Variants in FAAH2 observed in about 807,000 individuals in gnomAD.
FAAH2 encodes the protein fatty acid amide hydrolase 2.
A neutral mutation model predicts 36.9 loss-of-function variants in FAAH2; 60 were observed. That is an observed-to-expected ratio of 1.63 (90% CI 1.32 to 2.02). The LOEUF is 2.02. Among genes scored for constraint, FAAH2 ranks in the 30% most tolerant of loss-of-function variants. The pLI is 0.00. For missense variants in FAAH2, 689 were observed against 397.5 expected (o/e 1.73, Z -6.23); for synonymous variants, 214 against 143.8 (o/e 1.49, Z -3.49).
At chrX:57,365,382 C>T (rs1897320) in intron 5 of FAAH2, among the ~76,000 whole-genome samples, 6,403 of 111,585 alleles carry the variant, frequency 0.057, 174 homozygotes, top group South Asian at 0.096. Context: ...TGATTATAGG[C>T]CTCCACTCTC....
intron 7 of FAAH2, among the ~76,000 whole-genome samples, chrX:57,388,136 G>A (rs774430393): frequency 9.0e-6 from 1 of 111,151 alleles, no homozygotes; most frequent in African/African-American, 3.3e-5. Flanking sequence ...AAAATATTAA[G>A]GATTTAGTAT....
chrX:57,412,412 C>T (rs1456122979), intron 7 of FAAH2, among the ~76,000 whole-genome samples: 2 of 110,814 alleles, frequency 1.8e-5, no homozygotes, highest in Admixed American at 9.6e-5. Flanking sequence ...GTGATGTTCC[C>T]CTCCCTGTGT....
rs773400915 is a variant in FAAH2 at position 57,379,545 on chromosome X, T to TCACA, written c.878+779_878+782dup. Among the ~76,000 whole-genome samples the TCACA allele has an allele frequency of 2.0e-4, 14 of 70,443 alleles. No individual in the cohort carries two copies. In the South Asian group the frequency reaches 2.5e-3, roughly 13 times the overall value. 61.2% of individuals were successfully genotyped at this position (70,443 alleles called of 115,157 possible). On this transcript the variant is annotated intron_variant, in intron 6 of 10. Coordinates refer to ENST00000374900, the MANE Select transcript of FAAH2 (RefSeq NM_174912.4). The stretch of plus-strand genomic sequence containing the variant: ...CTGTCTCTCTCGCTCTCTCTCTCTC[T>TCACA]CACACACACACACACACACACACGT...
At chrX:57,276,284 C>T in the FAAH2 span, among the ~76,000 whole-genome samples, 1 of 112,077 alleles carries the variant, frequency 8.9e-6, no homozygotes, top group Non-Finnish European at 1.9e-5. Context: ...CAAAACCACA[C>T]AACTACATGG....
the FAAH2 span, among the ~76,000 whole-genome samples, chrX:57,231,064 TGTGA>T: frequency 1.8e-5 from 2 of 109,131 alleles, no homozygotes; most frequent in African/African-American, 6.7e-5. Flanking sequence ...TGTGTGTGTG[TGTGA>T]GTGTGTGTGT....
intron 8 of FAAH2, among the ~76,000 whole-genome samples, chrX:57,444,880 C>A (rs12393264): frequency 0.33 from 36,967 of 110,555 alleles, 5,053 homozygotes; most frequent in Middle Eastern, 0.6. Context: ...ATTTGGAATT[C>A]CTTCTCTGCA....
intron 2 of FAAH2, among the ~76,000 whole-genome samples, chrX:57,303,455 G>A (rs1410424492): frequency 8.9e-6 from 1 of 112,005 alleles, no homozygotes; most frequent in Non-Finnish European, 1.9e-5. Flanking sequence ...TGACTGTCAG[G>A]AGAACCTGAT....
intron 7 of FAAH2, among the ~76,000 whole-genome samples, chrX:57,411,295 G>A (rs1181092566): frequency 9.0e-6 from 1 of 111,704 alleles, no homozygotes; most frequent in African/African-American, 3.3e-5. Context: ...AAGTTTATAT[G>A]CCCTCTCTCA....
intron 3 of FAAH2, among the ~76,000 whole-genome samples, chrX:57,319,601 T>C (rs2052953714): frequency 8.9e-6 from 1 of 112,224 alleles, no homozygotes; most frequent in Non-Finnish European, 1.9e-5. Context: ...ACTGCCCAAG[T>C]AATTTATAGA....
the FAAH2 span, among the ~76,000 whole-genome samples, chrX:57,158,212 C>A: frequency 4.5e-5 from 5 of 111,716 alleles, no homozygotes; most frequent in Non-Finnish European, 7.5e-5. Context: ...TATTCCATGG[C>A]GTATATGTGC....
chrX:57,239,546 G>A, the FAAH2 span, among the ~76,000 whole-genome samples: 4 of 109,408 alleles, frequency 3.7e-5, no homozygotes, highest in Non-Finnish European at 7.6e-5. Flanking sequence ...CATCTTGCAG[G>A]GGTTCTTTGT....
chrX:57,478,265 T>C (rs928091494), intron 10 of FAAH2, among the ~76,000 whole-genome samples: 3 of 111,947 alleles, frequency 2.7e-5, no homozygotes, highest in Non-Finnish European at 3.8e-5. Context: ...TTTCATGTGT[T>C]TTTTGGCTTC....
At chrX:57,352,938 A>T (rs1416546272) in intron 5 of FAAH2, among the ~76,000 whole-genome samples, 2 of 110,704 alleles carry the variant, frequency 1.8e-5, no homozygotes, top group African/African-American at 6.5e-5. Flanking sequence ...CAAAACACAG[A>T]TAAAAGCAAT....
intron 2 of FAAH2, among the ~76,000 whole-genome samples, chrX:57,307,672 G>A (rs909531064): frequency 1.8e-5 from 2 of 111,143 alleles, no homozygotes; most frequent in African/African-American, 6.5e-5. Context: ...AGGGGCACAT[G>A]TGCAGGTTTG....
intron 7 of FAAH2, among the ~76,000 whole-genome samples, chrX:57,411,998 C>T: frequency 8.9e-6 from 1 of 111,780 alleles, no homozygotes; most frequent in East Asian, 2.8e-4. Flanking sequence ...ACTAGTTGTA[C>T]ATATTTATGG....
chrX:57,279,534 A>G, the FAAH2 span, among the ~76,000 whole-genome samples: 500 of 111,390 alleles, frequency 4.5e-3, 3 homozygotes, highest in African/African-American at 0.016. Context: ...CAAACCACCA[A>G]GGCACGTGTA....
At chrX:57,435,385 C>G (rs1324237195) in intron 8 of FAAH2, among the ~76,000 whole-genome samples, 2 of 110,920 alleles carry the variant, frequency 1.8e-5, no homozygotes, top group African/African-American at 3.3e-5. Flanking sequence ...AAGTACTCTT[C>G]TAAAGAGAGA....
chrX:57,162,051 G>A, the FAAH2 span, among the ~76,000 whole-genome samples: 1 of 110,150 alleles, frequency 9.1e-6, no homozygotes, highest in Non-Finnish European at 1.9e-5. Flanking sequence ...TTTAGGGTAG[G>A]CCTGGTGGTG....
At chrX:57,266,424 C>CA in the FAAH2 span, among the ~76,000 whole-genome samples, 1 of 112,420 alleles carries the variant, frequency 8.9e-6, no homozygotes, top group Non-Finnish European at 1.9e-5. Context: ...CCTCACCAGG[C>CA]AGGTCCTCCA....
Sources: allele counts gnomAD v4.1 joint callset (sites outside exome capture counted in the v4.1 genomes callset), GRCh38; gene constraint gnomAD v4.1.1; transcripts MANE v1.5; gene names NCBI Gene and HGNC (gene_info 2026-07-23, HGNC 2026-07-21).